Variants in DNMBP observed in about 807,000 individuals in gnomAD.
DNMBP encodes the protein dynamin binding protein, also known as dynamin-binding protein.
Under a neutral mutation model 150.0 loss-of-function variants are expected in DNMBP, and 87 were observed. The observed-to-expected ratio is 0.58, with a 90% CI of 0.49 to 0.69. The LOEUF (loss-of-function observed/expected upper bound fraction) is 0.69, where lower values mean the gene tolerates loss of function less well. DNMBP is among the 30% of genes least tolerant of loss of function. The probability of loss-of-function intolerance (pLI) is 0.00; values close to 1 mark genes in which losing one functional copy is unlikely to be tolerated. For missense variants in DNMBP, 1,774 were observed against 1,949.0 expected, an observed-to-expected ratio of 0.91 and a Z score of 1.69; for synonymous variants, 711 against 750.4, an observed-to-expected ratio of 0.95 and a Z score of 0.86.
At chr10:99,970,993 A>AAAAAAAAAAAAAAAG (rs1239254934) in intron 2 of DNMBP, among the ~76,000 whole-genome samples, 1 of 148,892 alleles carries the variant, frequency 6.7e-6, no homozygotes, top group Admixed American at 6.7e-5. Flanking sequence ...AAAAAAAAAA[A>AAAAAAAAAAAAAAAG]AAAAAGGAAA....
At chr10:99,997,378 G>A (rs2040961058) in intron 1 of DNMBP, among the ~76,000 whole-genome samples, 1 of 152,156 alleles carries the variant, frequency 6.6e-6, no homozygotes, top group African/African-American at 2.4e-5. Flanking sequence ...TGTTGATAAT[G>A]TCATTCCCTG....
intron 15 of DNMBP, among the ~76,000 whole-genome samples, 165 bp from the exon 16 acceptor site, chr10:99,880,526 G>C (rs917562056): frequency 1.3e-5 from 2 of 152,178 alleles, no homozygotes; most frequent in Non-Finnish European, 2.9e-5. Flanking sequence ...AAAATAAAAT[G>C]CCTAGTGACA....
At chr10:99,990,802 T>C (rs1373432929) in intron 1 of DNMBP, among the ~76,000 whole-genome samples, 4 of 92,764 alleles carry the variant, frequency 4.3e-5, no homozygotes, top group Middle Eastern at 4.4e-3. Context: ...TATACACACA[T>C]ATATACACAT....
intron 4 of DNMBP, among the ~76,000 whole-genome samples, chr10:99,952,050 G>C (rs1043856542): frequency 5.9e-5 from 9 of 152,076 alleles, no homozygotes; most frequent in African/African-American, 9.7e-5. Context: ...TCTCGTGAGA[G>C]TGAGTAAGTC....
chr10:99,898,189 G>A lies in DNMBP; in HGVS notation c.2817C>T (p.Ser939=), dbSNP rs1390258187. 6.2e-7 allele frequency: 1 copy of A among 1,613,772 alleles called. No homozygotes were observed. The highest frequency in any genetic ancestry group is 2.2e-5 in the East Asian group (1 of 44,888). The change falls in exon 9 of 17, where the codon TCC becomes TCT. Residue 939 remains serine (S), a synonymous_variant. Coordinates refer to ENST00000324109, the MANE Select transcript of DNMBP (RefSeq NM_015221.4). The stretch of plus-strand genomic sequence containing the variant: ...CTTTATCTGGGTGGGATTCTGGGGT[G>A]GAATTCAGCAACTCCATTAGCAACA... ...YPLLLMELLN[S]TPESHPDKVP...
At chr10:99,933,383 GTA>G (rs1381436669) in intron 4 of DNMBP, among the ~76,000 whole-genome samples, 2 of 152,202 alleles carry the variant, frequency 1.3e-5, no homozygotes, top group African/African-American at 2.4e-5. Flanking sequence ...TCTAAGTTGT[GTA>G]TGTTTTTGAA....
chr10:99,955,420 A>C lies in DNMBP; in HGVS notation c.2054T>G (p.Leu685Arg). The change falls in exon 4 of 17, where the codon CTG (leucine) becomes CGG (arginine). Residue 685 changes from leucine to arginine, a missense_variant. Transcript: ENST00000324109. Reference sequence around the variant, plus strand: ...TAAGGGGCATGGGGAGGTCTGGTCCAGACTCCTTCCCATATGACCAGGGCC... The same window carrying C: ...TAAGGGGCATGGGGAGGTCTGGTCCCGACTCCTTCCCATATGACCAGGGCC... ...KEGPGHMGRS[L>R]DQTSPCPLVL... is the part of the protein sequence containing the mutation. 1 of 1,614,010 alleles carries C rather than the reference A, an allele frequency of 6.2e-7. No homozygotes were observed. The highest frequency in any genetic ancestry group is 1.6e-4 in the Middle Eastern group (1 of 6,062).
At chr10:99,914,114 A>C in intron 4 of DNMBP, 1 of 1,359,982 alleles carries the variant, frequency 7.4e-7, no homozygotes, top group Non-Finnish European at 9.6e-7. Flanking sequence ...TGAATCGCGC[A>C]AGTCACCCGG....
At chr10:99,951,434 G>A (rs2040421596) in intron 4 of DNMBP, among the ~76,000 whole-genome samples, 1 of 152,212 alleles carries the variant, frequency 6.6e-6, no homozygotes, top group East Asian at 1.9e-4. Context: ...TCCACCAACA[G>A]CTTGCACCGT....
rs116731078 is a variant in DNMBP, at chr10:99,994,661, T to A, written c.-11+15177A>T. Among the ~76,000 whole-genome samples the A allele has an allele frequency of 3.2e-3, 491 of 152,296 alleles. 1 individual carries two copies. Among genetic ancestry groups the A allele is most frequent in the African/African-American group, 0.011 (464 of 41,552 alleles). On this transcript the variant is annotated intron_variant, in intron 1 of 16. Transcript: ENST00000324109. ...AGTTTATAAATGAGATCCCTGCATA[T>A]GGGTCCAGGAAAGCCTTTGCCAAAT...
chr10:99,990,522 G>A (rs748275735), intron 1 of DNMBP, among the ~76,000 whole-genome samples: 10 of 150,646 alleles, frequency 6.6e-5, no homozygotes, highest in Admixed American at 2.6e-4. Flanking sequence ...CTGCACTCCG[G>A]CCTGGGTGAC....
chr10:99,991,743 A>G (rs2133377940), intron 1 of DNMBP, among the ~76,000 whole-genome samples: 1 of 151,688 alleles, frequency 6.6e-6, no homozygotes, highest in South Asian at 2.1e-4. Context: ...CATCTCTACT[A>G]AAAATACAAA....
At position 100,006,975 on chromosome 10, in the gene DNMBP, G is replaced by A. The variant is rs537136005; in HGVS notation, c.-11+2863C>T. ...CTAAAAATACAAACATTGGCCCAGCGTGGTGATATAAGCCTGCAGTCCCAG... is the reference window on the plus strand; with the variant it reads ...CTAAAAATACAAACATTGGCCCAGCATGGTGATATAAGCCTGCAGTCCCAG... On this transcript the variant is annotated intron_variant, in intron 1 of 16. Coordinates refer to ENST00000324109, the MANE Select transcript of DNMBP (RefSeq NM_015221.4). Among the ~76,000 whole-genome samples, 104 of 152,182 alleles carry A rather than the reference G, an allele frequency of 6.8e-4. 1 individual carries two copies. In the South Asian group the frequency reaches 0.02, roughly 30 times the overall value.
At chr10:100,000,859 C>CAAAAAAA (rs36026874) in intron 1 of DNMBP, among the ~76,000 whole-genome samples, 1 of 52,544 alleles carries the variant, frequency 1.9e-5, no homozygotes, top group Non-Finnish European at 4.0e-5. Flanking sequence ...CCTGTTATGG[C>CAAAAAAA]AAAAAAAAAA....
intron 16 of DNMBP, among the ~76,000 whole-genome samples, chr10:99,878,664 C>CACG (rs1399831006): frequency 3.3e-5 from 5 of 152,282 alleles, no homozygotes; most frequent in African/African-American, 1.2e-4. Context: ...CAACCCAGGA[C>CACG]ACGACTGGGC....
At chr10:99,949,293 G>A (rs1431240041) in intron 4 of DNMBP, among the ~76,000 whole-genome samples, 2 of 152,162 alleles carry the variant, frequency 1.3e-5, no homozygotes, top group African/African-American at 4.8e-5. Context: ...ATGACACACT[G>A]AATAATAGAT....
At chr10:99,893,461 C>T (rs981708116) in intron 11 of DNMBP, among the ~76,000 whole-genome samples, 10 of 152,234 alleles carry the variant, frequency 6.6e-5, no homozygotes, top group African/African-American at 2.4e-4. Flanking sequence ...CAAGGCCAGG[C>T]GCGGTGGCTC....
At chr10:99,888,298 C>G (rs542059758) in intron 12 of DNMBP, among the ~76,000 whole-genome samples, 3 of 151,958 alleles carry the variant, frequency 2.0e-5, no homozygotes, top group African/African-American at 7.2e-5. Flanking sequence ...GCAACCTCCT[C>G]CTCCTGGGTT....
At position 99,955,329 on chromosome 10, in the gene DNMBP, T is replaced by G; in HGVS notation, c.2145A>C (p.Leu715=). Reference sequence around the variant, plus strand: ...CCTGCTTCTCCTCCAGCATGAGGTTTAGCTCTTCTTGAGCTCTACTGTACA... The same window carrying G: ...CCTGCTTCTCCTCCAGCATGAGGTTGAGCTCTTCTTGAGCTCTACTGTACA... ...LDMYSRAQEE[L]NLMLEEKQDE... The change falls in exon 4 of 17, where the codon CTA becomes CTC. Residue 715 remains leucine, a synonymous_variant. Coordinates refer to ENST00000324109, the MANE Select transcript of DNMBP (RefSeq NM_015221.4). 1 of 1,614,204 alleles carries G rather than the reference T, an allele frequency of 6.2e-7. No homozygotes were observed. Among genetic ancestry groups the G allele is most frequent in the South Asian group, 1.1e-5 (1 of 91,090 alleles).
Sources: gnomAD v4.1 joint callset for allele counts (sites outside exome capture counted in the v4.1 genomes callset) on GRCh38, gnomAD v4.1.1 for gene constraint, MANE v1.5 for transcripts, NCBI Gene and HGNC (gene_info 2026-07-23, HGNC 2026-07-21) for gene names.